P3H1: variants seen among roughly 807,000 people sequenced by gnomAD.
The protein encoded by P3H1 is prolyl 3-hydroxylase 1.
P3H1 carries 69 observed loss-of-function variants against 84.0 expected under a neutral mutation model. The observed-to-expected ratio is 0.82, with a 90% CI of 0.68 to 1.00. The LOEUF (loss-of-function observed/expected upper bound fraction) is 1.00, where lower values mean the gene tolerates loss of function less well. P3H1 is among the 50% of genes least tolerant of loss of function. The probability of loss-of-function intolerance (pLI) is 0.00; values close to 1 mark genes in which losing one functional copy is unlikely to be tolerated. For missense variants in P3H1, 878 were observed against 962.8 expected, an observed-to-expected ratio of 0.91 and a Z score of 1.17; for synonymous variants, 366 against 388.8, an observed-to-expected ratio of 0.94 and a Z score of 0.69.
intron 11 of P3H1, among the ~76,000 whole-genome samples, chr1:42,749,562 T>C (rs750506159): frequency 1.3e-5 from 2 of 152,198 alleles, no homozygotes; most frequent in Admixed American, 1.3e-4. Flanking sequence ...ATCTGCCACA[T>C]AGCTATGGTT....
At chr1:42,765,896 A>C (rs759815801) in intron 1 of P3H1, among the ~76,000 whole-genome samples, 4 of 151,890 alleles carry the variant, frequency 2.6e-5, no homozygotes, top group Non-Finnish European at 5.9e-5. Context: ...CATCACCACC[A>C]CCAAACAAGC....
rs138436249 is a variant in P3H1 at position 42,752,905 on chromosome 1, A to T, written c.1346-241T>A. Among the ~76,000 whole-genome samples the T allele has an allele frequency of 5.5e-3, 842 of 152,152 alleles. 2 individuals are homozygous for T. Among genetic ancestry groups the T allele is most frequent in the Non-Finnish European group, 9.6e-3 (651 of 67,990 alleles). ...GCTGCTGGCTTTTGGGCCATGACAC[A>T]CTCTTGAGGAAACATCAGAAACACA... On this transcript the variant is annotated intron_variant, in intron 8 of 14. Transcript: ENST00000296388.
In P3H1 at chr1:42,766,736, C is replaced by T; in HGVS notation, c.236G>A (p.Cys79Tyr). 6.3e-7 allele frequency: 1 copy of T among 1,574,998 alleles called. No homozygotes were observed. Among genetic ancestry groups the T allele is most frequent in the Non-Finnish European group, 8.6e-7 (1 of 1,161,116 alleles). The change falls in exon 1 of 15, where the codon TGT (cysteine) becomes TAT (tyrosine). Residue 79 changes from cysteine to tyrosine, a missense_variant. By Grantham distance (194) the Cys-to-Tyr change is radical. Coordinates refer to ENST00000296388, the MANE Select transcript of P3H1 (RefSeq NM_022356.4). The stretch of plus-strand genomic sequence containing the variant: ...CAGCTCCCACGGGAAGTCGGCGGCA[C>T]ACTGGGTGCGGCAGCGCAGGCGAAG... ...RALRLRCRTQ[C>Y]AADFPWELDP...
In P3H1 at chr1:42,755,642, G is replaced by A. The variant is rs1652365990; in HGVS notation, c.1081-5C>T. 15 of 1,611,188 alleles carry A rather than the reference G, an allele frequency of 9.3e-6. No homozygotes were observed. The highest frequency in any genetic ancestry group is 1.3e-5 in the Non-Finnish European group (15 of 1,177,630). On this transcript the variant is annotated splice_region_variant and splice_polypyrimidine_tract_variant and intron_variant, in intron 5 of 14. Transcript: ENST00000296388. ...CTGTCGGTACTCCTTGGCACTCTGA[G>A]GGTAAAAAAGCAAACAAATCCCCCA...
intron 10 of P3H1, among the ~76,000 whole-genome samples, chr1:42,750,866 G>A (rs1416443260): frequency 1.3e-5 from 2 of 149,798 alleles, no homozygotes; most frequent in Non-Finnish European, 3.0e-5. Flanking sequence ...AGGAGGTGAG[G>A]GGCGCCTCTG....
rs750943926 is a variant in P3H1 at position 42,759,202 on chromosome 1, T to C, written c.807A>G (p.Thr269=). The C allele has an allele frequency of 3.0e-5, 49 of 1,614,096 alleles. No individual in the cohort carries two copies. The highest frequency in any genetic ancestry group is 1.6e-4 in the Middle Eastern group (1 of 6,084). ...GGTCTGGCTCTGAACTGCACGCACC[T>C]GTGATGGCCTGGAAGAGGTCAGCGT... ...EYNADLFQAI[T]DHYIQVLNCK... The change falls in exon 3 of 15, where the codon ACA becomes ACG. Residue 269 remains threonine (T), a splice_region_variant and synonymous_variant. Coordinates refer to ENST00000296388, the MANE Select transcript of P3H1 (RefSeq NM_022356.4).
Position 42,755,170 on chromosome 1 carries a change from T to C in P3H1, c.1218A>G (p.Lys406=), listed in dbSNP as rs747828716. 2 of 1,614,156 alleles carry C rather than the reference T, an allele frequency of 1.2e-6. No homozygotes were observed. Among genetic ancestry groups the C allele is most frequent in the Admixed American group, 3.3e-5 (2 of 60,022 alleles). ...AGTTTCTTCAAGGTCCTCACTTCTG[T>C]TTCTCTTGCAATCTCTTGGGAATCA... ...EEVIPKRLQE[K]QKSERETAVR... Residue 406 remains lysine (K), a synonymous_variant, in exon 7 of 15, where the codon AAA becomes AAG. Coordinates refer to ENST00000296388, the MANE Select transcript of P3H1 (RefSeq NM_022356.4).
chr1:42,749,543 TA>T (rs2124089854), intron 11 of P3H1, among the ~76,000 whole-genome samples: 1 of 152,336 alleles, frequency 6.6e-6, no homozygotes, highest in East Asian at 1.9e-4. Flanking sequence ...TAACAATTAG[TA>T]AAAGAGAATC....
At chr1:42,747,228 TCAC>T in intron 14 of P3H1, 41 bp downstream of exon 14, 1 of 1,614,006 alleles carries the variant, frequency 6.2e-7, no homozygotes, top group East Asian at 2.2e-5. Flanking sequence ...TGGGAACGGG[TCAC>T]CACAGCACCA....
chr1:42,747,653 C>A, intron 13 of P3H1, 70 bp downstream of exon 13: 2 of 1,551,626 alleles, frequency 1.3e-6, no homozygotes, highest in African/African-American at 1.4e-5. Flanking sequence ...TTGTCCACTG[C>A]ACTTTGGGAA....
intron 8 of P3H1, 97 bp from the exon 9 acceptor site, chr1:42,752,761 G>A (rs1652188379): frequency 8.6e-6 from 13 of 1,510,834 alleles, no homozygotes; most frequent in Non-Finnish European, 1.2e-5. Flanking sequence ...AGAAATTCCA[G>A]CTGTTTCCTT....
chr1:42,760,938 C>T (rs1414969906), intron 2 of P3H1: 1 of 151,392 alleles, frequency 6.6e-6, no homozygotes, highest in Admixed American at 6.6e-5. Flanking sequence ...CAGGTGTGAC[C>T]CACTGCACCT....
intron 1 of P3H1, 65 bp from the exon 2 acceptor site, chr1:42,762,540 T>C (rs949311426): frequency 1.3e-6 from 2 of 1,564,282 alleles, no homozygotes; most frequent in Non-Finnish European, 1.8e-6. Context: ...TGTGTCCACA[T>C]GAGCAGTCCA....
chr1:42,752,396 G>T, intron 9 of P3H1, 27 bp from the exon 10 acceptor site: 1 of 1,612,326 alleles, frequency 6.2e-7, no homozygotes, highest in Non-Finnish European at 8.5e-7. Context: ...ACAAGGTGAT[G>T]TTAGCCAGGG....
Position 42,766,994 on chromosome 1 carries a change from C to T in P3H1, c.-23G>A, listed in dbSNP as rs758399107. The T allele has an allele frequency of 1.9e-6, 3 of 1,601,564 alleles. No homozygotes were observed. The highest frequency in any genetic ancestry group is 2.5e-6 in the Non-Finnish European group (3 of 1,178,408). On this transcript the variant is annotated 5_prime_UTR_variant, in exon 1 of 15. Transcript: ENST00000296388. ...CATCGCTCCCTCAGACCTAACGGAA[C>T]CGCCAGCCACCCGCCACCAAGGCCG... is the stretch of plus-strand genomic sequence containing the variant.
At chr1:42,751,923 A>C in intron 10 of P3H1, 1 of 354,974 alleles carries the variant, frequency 2.8e-6, no homozygotes, top group African/African-American at 2.1e-5. Flanking sequence ...CACGCCCAAT[A>C]CCCCTACTAT....
rs1385918597 is a variant in P3H1, at chr1:42,747,727, A to T, written c.1910T>A (p.Val637Glu). The T allele has an allele frequency of 3.1e-6, 5 of 1,614,012 alleles. No homozygotes were observed. The African/African-American group carries it at 6.7e-5, about 22-fold the overall frequency. Residue 637 changes from valine to glutamate, a missense_variant, in exon 13 of 15, where the codon GTG (valine) becomes GAG (glutamate). Coordinates refer to ENST00000296388, the MANE Select transcript of P3H1 (RefSeq NM_022356.4). Reference protein sequence around the residue: ...FYFTELDAKTVTAEVQPQCGR... With the variant: ...FYFTELDAKTETAEVQPQCGR... ...CAAGGACAAGGGAGCACTCACCGTC[A>T]CGGTCTTGGCATCCAGTTCAGTGAA...
chr1:42,748,586 C>A, intron 11 of P3H1: 1 of 483,270 alleles, frequency 2.1e-6, no homozygotes, highest in Non-Finnish European at 3.8e-6. Context: ...TGGCACAACC[C>A]TGGTTTGTAG....
chr1:42,750,473 T>C, intron 10 of P3H1, 137 bp from the exon 11 acceptor site: 1 of 891,210 alleles, frequency 1.1e-6, no homozygotes, highest in Non-Finnish European at 1.8e-6. Context: ...GACTGAATAA[T>C]GGGGGTGGAT....
Sources: allele counts gnomAD v4.1 joint callset (sites outside exome capture counted in the v4.1 genomes callset), GRCh38; gene constraint gnomAD v4.1.1; transcripts MANE v1.5; gene names NCBI Gene and HGNC (gene_info 2026-07-23, HGNC 2026-07-21).